The following MAP2K1 variants were observed in gnomAD, a reference collection of about 807,000 sequenced individuals.
MAP2K1 encodes mitogen-activated protein kinase kinase 1.
Under a neutral mutation model 46.3 loss-of-function variants are expected in MAP2K1, and 16 were observed. That is an observed-to-expected ratio of 0.35 (90% CI 0.23 to 0.52). The LOEUF (loss-of-function observed/expected upper bound fraction) is 0.52, where lower values mean the gene tolerates loss of function less well. MAP2K1 is among the 20% of genes least tolerant of loss of function. The pLI is 0.94. For synonymous variants in MAP2K1, 183 were observed against 185.6 expected (o/e 0.99, Z 0.11); for missense variants, 263 against 497.1 (o/e 0.53, Z 4.48).
intron 5 of MAP2K1, among the ~76,000 whole-genome samples, chr15:66,456,765 C>T (rs796533926): frequency 3.9e-5 from 6 of 152,334 alleles, no homozygotes; most frequent in African/African-American, 1.4e-4. Context: ...ACACTCACCC[C>T]TGTGGTACAA....
rs750386919 is a variant in MAP2K1, at chr15:66,443,246, T to C, written c.439-34T>C. 6 of 1,326,118 alleles carry C rather than the reference T, an allele frequency of 4.5e-6. No individual in the cohort carries two copies. The South Asian group carries it at 4.7e-5, about 10-fold the overall frequency. The allele number at this position is 1,326,118 out of a possible 1,614,324, so 82.1% of individuals were successfully genotyped here. On this transcript the variant is annotated intron_variant, in intron 3 of 10. Coordinates refer to ENST00000307102, the MANE Select transcript of MAP2K1 (RefSeq NM_002755.4). The stretch of plus-strand genomic sequence containing the variant: ...ATCACTTGAAAGAATAGTTAGAACA[T>C]TGTCACTAACTGGTCTGGTATTCTC...
At chr15:66,469,151 G>T (rs1244950574) in intron 5 of MAP2K1, among the ~76,000 whole-genome samples, 1 of 151,660 alleles carries the variant, frequency 6.6e-6, no homozygotes, top group Non-Finnish European at 1.5e-5. Flanking sequence ...AGCTACTCCG[G>T]AGGCTGAGGC....
At chr15:66,401,409 C>T (rs1237969999) in intron 1 of MAP2K1, among the ~76,000 whole-genome samples, 1 of 152,004 alleles carries the variant, frequency 6.6e-6, no homozygotes, top group East Asian at 1.9e-4. Context: ...GTTTAATAGG[C>T]AGTTTAAGGG....
intron 1 of MAP2K1, among the ~76,000 whole-genome samples, chr15:66,429,656 A>C (rs1419478028): frequency 1.2e-4 from 15 of 126,466 alleles, no homozygotes; most frequent in South Asian, 3.0e-4. Context: ...CTGGGTCTGC[A>C]CTGCGGCGCC....
chr15:66,440,355 G>A (rs2093500457), intron 3 of MAP2K1, among the ~76,000 whole-genome samples: 1 of 152,198 alleles, frequency 6.6e-6, no homozygotes, highest in Admixed American at 6.5e-5. Context: ...GCCTCTCAAA[G>A]TGCTGGGATT....
intron 1 of MAP2K1, 54 bp from the exon 2 acceptor site, chr15:66,434,973 T>C (rs554653403): frequency 8.7e-7 from 1 of 1,151,838 alleles, no homozygotes; most frequent in South Asian, 1.2e-5. Flanking sequence ...GAGTACTTCT[T>C]TGGGTTGACT....
At chr15:66,484,428 GT>G (rs1567025611) in intron 6 of MAP2K1, among the ~76,000 whole-genome samples, 1 of 152,176 alleles carries the variant, frequency 6.6e-6, no homozygotes, top group Non-Finnish European at 1.5e-5. Context: ...GATTACAGGT[GT>G]GAGCCACTGC....
chr15:66,415,134 G>T, intron 1 of MAP2K1: 1 of 525,142 alleles, frequency 1.9e-6, no homozygotes. Context: ...TCAAGCTCCA[G>T]CTTGGCAGCT....
rs74327797 is a variant in MAP2K1, at chr15:66,444,795, C to T, written c.568+88C>T. 2.0e-3 allele frequency: 2,217 copies of T among 1,089,320 alleles called. 60 individuals are homozygous for T. In the East Asian group the frequency reaches 0.038, roughly 19 times the overall value. 67.5% of individuals were successfully genotyped at this position (1,089,320 alleles called of 1,614,324 possible). On this transcript the variant is annotated intron_variant, in intron 5 of 10. Coordinates refer to ENST00000307102, the MANE Select transcript of MAP2K1 (RefSeq NM_002755.4). ...TCCTCTTTTTTCTATGTTTTGTTTT[C>T]GTGTAAAAGCCTTTTAATAACATGT...
At chr15:66,400,312 CTG>C (rs2093378418) in intron 1 of MAP2K1, among the ~76,000 whole-genome samples, 1 of 152,218 alleles carries the variant, frequency 6.6e-6, no homozygotes, top group Non-Finnish European at 1.5e-5. Context: ...GTGTCAGCCA[CTG>C]TGCCCAGACA....
At chr15:66,393,140 T>C (rs1408095781) in intron 1 of MAP2K1, among the ~76,000 whole-genome samples, 2 of 151,990 alleles carry the variant, frequency 1.3e-5, no homozygotes, top group Non-Finnish European at 2.9e-5. Context: ...GGGTACATTG[T>C]CTCTCCTTCC....
At chr15:66,477,319 A>G (rs1892775869) in intron 5 of MAP2K1, among the ~76,000 whole-genome samples, 1 of 152,094 alleles carries the variant, frequency 6.6e-6, no homozygotes, top group African/African-American at 2.4e-5. Flanking sequence ...GTCTGAAGAG[A>G]GGTGTCTGAG....
At chr15:66,406,536 A>G (rs1035385681) in intron 1 of MAP2K1, among the ~76,000 whole-genome samples, 2 of 152,238 alleles carry the variant, frequency 1.3e-5, no homozygotes, top group African/African-American at 4.8e-5. Flanking sequence ...TATAACTAAC[A>G]GACTCATGGT....
At chr15:66,388,213 CG>C (rs35824845) in intron 1 of MAP2K1, among the ~76,000 whole-genome samples, 8,600 of 152,262 alleles carry the variant, frequency 0.056, 347 homozygotes, top group Middle Eastern at 0.11. Flanking sequence ...TGCTTACAAA[CG>C]AGCACTTTAT....
chr15:66,435,246 G>T lies in MAP2K1; in HGVS notation c.291+9G>T. 1.2e-6 allele frequency: 2 copies of T among 1,611,856 alleles called. No individual in the cohort carries two copies. The highest frequency in any genetic ancestry group is 8.5e-7 in the Non-Finnish European group (1 of 1,178,106). ...TGGTCATGGCCAGAAAGGTGAGTTT[G>T]CCTTGATTAACAGGTAATTGGATTA... On this transcript the variant is annotated intron_variant, in intron 2 of 10. Transcript: ENST00000307102.
At chr15:66,429,578 G>T (rs1240374979) in intron 1 of MAP2K1, among the ~76,000 whole-genome samples, 5 of 151,320 alleles carry the variant, frequency 3.3e-5, no homozygotes, top group African/African-American at 4.9e-5. Context: ...AGAGTAACCT[G>T]AAGGATTGAG....
chr15:66,391,077 A>G (rs1052004080), intron 1 of MAP2K1, among the ~76,000 whole-genome samples: 3 of 111,634 alleles, frequency 2.7e-5, no homozygotes, highest in Non-Finnish European at 3.7e-5. Context: ...TTTTTTTGGT[A>G]TGGGGGTCTT....
intron 1 of MAP2K1, among the ~76,000 whole-genome samples, chr15:66,408,140 CT>C (rs1313019444): frequency 6.6e-6 from 1 of 152,204 alleles, no homozygotes; most frequent in Non-Finnish European, 1.5e-5. Context: ...GTGTAAACTG[CT>C]TTTTGTGATT....
intron 3 of MAP2K1, among the ~76,000 whole-genome samples, chr15:66,442,372 G>A (rs753498247): frequency 4.6e-5 from 7 of 152,142 alleles, no homozygotes; most frequent in Non-Finnish European, 7.3e-5. Flanking sequence ...ATGCGTCCCT[G>A]CTTTGATCTT....
Sources: allele counts gnomAD v4.1 joint callset (sites outside exome capture counted in the v4.1 genomes callset), GRCh38; gene constraint gnomAD v4.1.1; transcripts MANE v1.5; gene names NCBI Gene and HGNC (gene_info 2026-07-23, HGNC 2026-07-21).